Variants in ST6GALNAC5 observed in about 807,000 individuals in gnomAD.
ST6GALNAC5 encodes alpha-N-acetylgalactosaminide alpha-2,6-sialyltransferase 5.
A neutral mutation model predicts 33.6 loss-of-function variants in ST6GALNAC5; 27 were observed. The ratio of observed to expected loss-of-function variants is 0.80; its 90% confidence interval spans 0.59 to 1.11. ST6GALNAC5 has a LOEUF of 1.11. Ranked by LOEUF, ST6GALNAC5 falls within the 50% of genes least tolerant of loss-of-function variation. The pLI is 0.00. For synonymous variants in ST6GALNAC5, 194 were observed against 171.2 expected, an observed-to-expected ratio of 1.13 and a Z score of -1.04; for missense variants, 428 against 454.0, an observed-to-expected ratio of 0.94 and a Z score of 0.52.
At chr1:76,930,288 A>T (rs1370537140) in intron 2 of ST6GALNAC5, among the ~76,000 whole-genome samples, 1 of 152,186 alleles carries the variant, frequency 6.6e-6, no homozygotes, top group Non-Finnish European at 1.5e-5. Flanking sequence ...TTAGAACAGT[A>T]TCTGGCATAG....
chr1:76,882,807 G>C (rs986693331), intron 2 of ST6GALNAC5, among the ~76,000 whole-genome samples: 1 of 152,068 alleles, frequency 6.6e-6, no homozygotes, highest in Non-Finnish European at 1.5e-5. Flanking sequence ...TTGCCTACAG[G>C]ATCAAGTTCA....
intron 2 of ST6GALNAC5, among the ~76,000 whole-genome samples, chr1:76,984,642 GGAATCCTCCCTAACTC>G: frequency 6.6e-6 from 1 of 152,220 alleles, no homozygotes; most frequent in South Asian, 2.1e-4. Flanking sequence ...AGAAAAAGAG[GGAATCCTCCCTAACTC>G]ATTTTATGAG....
At chr1:76,986,996 C>T (rs1232389756) in intron 2 of ST6GALNAC5, among the ~76,000 whole-genome samples, 2 of 152,080 alleles carry the variant, frequency 1.3e-5, no homozygotes, top group Non-Finnish European at 2.9e-5. Flanking sequence ...GGCAAGGGAA[C>T]ATCACACACT....
intron 2 of ST6GALNAC5, among the ~76,000 whole-genome samples, chr1:77,007,467 A>G (rs1283737979): frequency 6.6e-6 from 1 of 152,184 alleles, no homozygotes; most frequent in African/African-American, 2.4e-5. Context: ...TTCTCCAGGG[A>G]CTTACATTCT....
At chr1:76,881,018 C>T (rs535246989) in intron 2 of ST6GALNAC5, among the ~76,000 whole-genome samples, 1 of 152,166 alleles carries the variant, frequency 6.6e-6, no homozygotes. Flanking sequence ...AAAATTAAAA[C>T]ATATCATTAA....
chr1:76,911,479 T>C (rs1252586), intron 2 of ST6GALNAC5, among the ~76,000 whole-genome samples: 71,853 of 151,768 alleles, frequency 0.47, 17,526 homozygotes, highest in African/African-American at 0.57. Context: ...GGAAGGATTC[T>C]CTCTTTTTCT....
chr1:76,884,787 A>C (rs1471922463), intron 2 of ST6GALNAC5, among the ~76,000 whole-genome samples: 1 of 152,196 alleles, frequency 6.6e-6, no homozygotes, highest in African/African-American at 2.4e-5. Flanking sequence ...TTACATTTGA[A>C]TATGATTTGA....
intron 2 of ST6GALNAC5, among the ~76,000 whole-genome samples, chr1:76,893,383 G>T (rs943270184): frequency 4.6e-5 from 7 of 152,158 alleles, no homozygotes; most frequent in African/African-American, 1.7e-4. Flanking sequence ...TGGAAAATTA[G>T]GGTATAAAAC....
chr1:77,009,247 T>C (rs1485126488), intron 2 of ST6GALNAC5, among the ~76,000 whole-genome samples: 2 of 152,186 alleles, frequency 1.3e-5, no homozygotes, highest in South Asian at 4.1e-4. Context: ...ATTGATTGAA[T>C]CTTGTATTTT....
chr1:77,014,278 G>A (rs181167832), intron 2 of ST6GALNAC5, among the ~76,000 whole-genome samples: 18 of 152,196 alleles, frequency 1.2e-4, no homozygotes, highest in Middle Eastern at 3.4e-3. Flanking sequence ...TTACCATTCC[G>A]TCAGCCAAGT....
chr1:76,969,273 A>T (rs947864103), intron 2 of ST6GALNAC5, among the ~76,000 whole-genome samples: 7 of 152,196 alleles, frequency 4.6e-5, no homozygotes, highest in African/African-American at 1.7e-4. Context: ...AACCAAGGGA[A>T]TCCGTACCTT....
At chr1:76,895,880 G>A (rs1654121494) in intron 2 of ST6GALNAC5, among the ~76,000 whole-genome samples, 1 of 152,222 alleles carries the variant, frequency 6.6e-6, no homozygotes, top group South Asian at 2.1e-4. Flanking sequence ...GAGCTCAAAT[G>A]GGCTGTACGC....
chr1:76,979,272 C>A (rs1436623675), intron 2 of ST6GALNAC5, among the ~76,000 whole-genome samples: 1 of 152,006 alleles, frequency 6.6e-6, no homozygotes, highest in Non-Finnish European at 1.5e-5. Flanking sequence ...AAAAAAAAAT[C>A]TTAAATTCAT....
chr1:77,032,295 G>A (rs1651487469), intron 2 of ST6GALNAC5, among the ~76,000 whole-genome samples: 1 of 152,158 alleles, frequency 6.6e-6, no homozygotes, highest in South Asian at 2.1e-4. Context: ...AATTAAAAGT[G>A]CATTTTAGAA....
At chr1:76,889,660 A>T (rs145644562) in intron 2 of ST6GALNAC5, among the ~76,000 whole-genome samples, 78 of 152,150 alleles carry the variant, frequency 5.1e-4, no homozygotes, top group African/African-American at 1.8e-3. Flanking sequence ...GTCTCCCCTT[A>T]ATCTGTTCTC....
In ST6GALNAC5 at chr1:77,063,427, G is replaced by T; in HGVS notation, c.*221G>T. ...CCTAATGAATGTTGTCCCCTTCAAT[G>T]GTGTTACCTTAGGAGCTGAACATTC... On this transcript the variant is annotated 3_prime_UTR_variant, in exon 5 of 5. Coordinates refer to ENST00000477717, the MANE Select transcript of ST6GALNAC5 (RefSeq NM_030965.3). The T allele has an allele frequency of 1.8e-6, 1 of 550,700 alleles. No homozygotes were observed. Among genetic ancestry groups the T allele is most frequent in the South Asian group, 2.2e-5 (1 of 44,998 alleles). The allele number at this position is 550,700 out of a possible 1,614,324, so 34.1% of individuals were successfully genotyped here.
At chr1:76,947,716 A>C (rs78650366) in intron 2 of ST6GALNAC5, among the ~76,000 whole-genome samples, 1,942 of 152,258 alleles carry the variant, frequency 0.013, 42 homozygotes, top group African/African-American at 0.044. Context: ...GCTGTATTCT[A>C]GCCTCGGTGA....
intron 2 of ST6GALNAC5, among the ~76,000 whole-genome samples, chr1:76,881,889 A>G (rs554180170): frequency 2.8e-4 from 43 of 152,330 alleles, no homozygotes; most frequent in Non-Finnish European, 6.0e-4. Context: ...TATCAAAAGG[A>G]ATTCCAGAGT....
At chr1:76,936,835 C>A (rs1335124167) in intron 2 of ST6GALNAC5, among the ~76,000 whole-genome samples, 1 of 151,786 alleles carries the variant, frequency 6.6e-6, no homozygotes, top group Non-Finnish European at 1.5e-5. Flanking sequence ...GTGGAAGGAG[C>A]ATTGGACTTT....
Sources: allele counts gnomAD v4.1 joint callset (sites outside exome capture counted in the v4.1 genomes callset), GRCh38; gene constraint gnomAD v4.1.1; transcripts MANE v1.5; gene names NCBI Gene and HGNC (gene_info 2026-07-23, HGNC 2026-07-21).